ITSN1: variants seen among roughly 807,000 people sequenced by gnomAD.
The protein encoded by ITSN1 is intersectin-1.
Under a neutral mutation model 239.8 loss-of-function variants are expected in ITSN1, and 58 were observed. The observed-to-expected ratio is 0.24, with a 90% CI of 0.20 to 0.30. The LOEUF (loss-of-function observed/expected upper bound fraction) is 0.30. Ranked by LOEUF, ITSN1 falls within the 10% of genes least tolerant of loss-of-function variation. The pLI is 1.00. For missense variants in ITSN1, 1,558 were observed against 2,103.3 expected (o/e 0.74, Z 5.07); for synonymous variants, 780 against 770.8 (o/e 1.01, Z -0.20).
intron 1 of ITSN1, among the ~76,000 whole-genome samples, chr21:33,675,410 A>G (rs1568909071): frequency 6.6e-6 from 1 of 152,006 alleles, no homozygotes; most frequent in Non-Finnish European, 1.5e-5. Context: ...AAAAAAAAAT[A>G]CAAAAAATTA....
intron 4 of ITSN1, among the ~76,000 whole-genome samples, chr21:33,726,092 C>A (rs1349218919): frequency 6.6e-6 from 1 of 152,194 alleles, no homozygotes; most frequent in Non-Finnish European, 1.5e-5. Flanking sequence ...CTCCCAGGTT[C>A]AAGTGATTCT....
chr21:33,670,443 C>G (rs931242216), intron 1 of ITSN1, among the ~76,000 whole-genome samples: 10 of 151,730 alleles, frequency 6.6e-5, no homozygotes, highest in Non-Finnish European at 2.9e-5. Context: ...AAAATAAACC[C>G]ATGTAAAGTT....
intron 1 of ITSN1, among the ~76,000 whole-genome samples, chr21:33,681,854 G>A (rs1276584068): frequency 6.6e-6 from 1 of 151,626 alleles, no homozygotes; most frequent in East Asian, 2.0e-4. Context: ...TGTATTTTTA[G>A]TAGAGGGGTT....
At chr21:33,851,778 C>T (rs1245655819) in intron 29 of ITSN1, among the ~76,000 whole-genome samples, 141 of 66,006 alleles carry the variant, frequency 2.1e-3, no homozygotes, top group Admixed American at 2.6e-3. Context: ...CTTTTCTTTC[C>T]TTTTTTTTTT....
chr21:33,742,159 C>T (rs926884270), intron 5 of ITSN1, among the ~76,000 whole-genome samples: 19 of 150,956 alleles, frequency 1.3e-4, no homozygotes, highest in Non-Finnish European at 1.6e-4. Context: ...TGGGTTCAAG[C>T]GATTGTCCTG....
chr21:33,713,302 C>T (rs968733559), intron 1 of ITSN1, among the ~76,000 whole-genome samples: 2 of 151,718 alleles, frequency 1.3e-5, no homozygotes, highest in Non-Finnish European at 1.5e-5. Flanking sequence ...TGCGGTGGCA[C>T]GATCTAGGCT....
At chr21:33,756,279 C>A (rs1193193938) in intron 8 of ITSN1, among the ~76,000 whole-genome samples, 1 of 134,428 alleles carries the variant, frequency 7.4e-6, no homozygotes, top group Non-Finnish European at 1.5e-5. Context: ...CAGAGTGAGA[C>A]TCCGTCTCAA....
intron 20 of ITSN1, among the ~76,000 whole-genome samples, chr21:33,807,397 G>A (rs1489549332): frequency 4.6e-5 from 7 of 152,224 alleles, no homozygotes; most frequent in Non-Finnish European, 1.0e-4. Context: ...GAGTGCAGTG[G>A]TGTGATTTTG....
chr21:33,805,553 G>C (rs552148547), intron 20 of ITSN1, among the ~76,000 whole-genome samples: 56 of 152,298 alleles, frequency 3.7e-4, no homozygotes, highest in Non-Finnish European at 6.5e-4. Context: ...AGTTTTATTG[G>C]AACACAGCCA....
chr21:33,761,081 T>C (rs779163451), intron 8 of ITSN1, among the ~76,000 whole-genome samples: 1 of 152,056 alleles, frequency 6.6e-6, no homozygotes, highest in Non-Finnish European at 1.5e-5. Flanking sequence ...TGTTTTGTTT[T>C]GTTTTTTTAA....
chr21:33,834,238 G>T (rs902654021), intron 27 of ITSN1, 69 bp from the exon 28 acceptor site: 1 of 1,121,252 alleles, frequency 8.9e-7, no homozygotes, highest in South Asian at 1.3e-5. Context: ...TAAGTGCTCT[G>T]TTATAAAGTG....
rs2146173562 is a variant in ITSN1, at chr21:33,654,300, C to G, written c.-33+11587C>G. Among the ~76,000 whole-genome samples, 3 of 151,304 alleles carry G rather than the reference C, an allele frequency of 2.0e-5. 1 individual carries two copies. On this transcript the variant is annotated intron_variant, in intron 1 of 39. Coordinates refer to ENST00000381318, the MANE Select transcript of ITSN1 (RefSeq NM_003024.3). Reference sequence around the variant, plus strand: ...TGAACTTCTGGACTCAAGTGGACCTCTCGCCTCAGCCTCCCCAAGTGCTGG... The same window carrying G: ...TGAACTTCTGGACTCAAGTGGACCTGTCGCCTCAGCCTCCCCAAGTGCTGG...
At chr21:33,691,892 C>A (rs1238455049) in intron 1 of ITSN1, among the ~76,000 whole-genome samples, 1 of 152,224 alleles carries the variant, frequency 6.6e-6, no homozygotes, top group African/African-American at 2.4e-5. Flanking sequence ...ATACCATGAC[C>A]TTGGGGATAA....
intron 35 of ITSN1, 81 bp from the exon 36 acceptor site, chr21:33,883,469 A>G (rs955334968): frequency 3.9e-6 from 6 of 1,553,758 alleles, no homozygotes; most frequent in Non-Finnish European, 5.3e-6. Context: ...ACATTGGCAT[A>G]AGTGTGCTCA....
At chr21:33,800,874 G>T (rs1308499940) in intron 19 of ITSN1, among the ~76,000 whole-genome samples, 3 of 144,694 alleles carry the variant, frequency 2.1e-5, no homozygotes, top group Non-Finnish European at 4.7e-5. Flanking sequence ...GAGTGCAGTG[G>T]TGTGATATTG....
At chr21:33,645,257 TC>T (rs1174375339) in intron 1 of ITSN1, among the ~76,000 whole-genome samples, 10 of 152,230 alleles carry the variant, frequency 6.6e-5, no homozygotes, top group Admixed American at 4.6e-4. Flanking sequence ...TTCTGAATGA[TC>T]ACTTCCTCCT....
At chr21:33,818,914 T>C (rs2073465647) in intron 23 of ITSN1, among the ~76,000 whole-genome samples, 1 of 152,224 alleles carries the variant, frequency 6.6e-6, no homozygotes, top group African/African-American at 2.4e-5. Flanking sequence ...CCAACCATAT[T>C]GATGTTCAAA....
intron 8 of ITSN1, chr21:33,756,714 T>C (rs2067944451): frequency 6.6e-6 from 1 of 152,170 alleles, no homozygotes; most frequent in South Asian, 2.1e-4. Context: ...ATTCTCGATG[T>C]GTCATACTGC....
chr21:33,834,359 T>G lies in ITSN1; in HGVS notation c.3404T>G (p.Leu1135Arg), dbSNP rs769489097. 5 of 1,614,078 alleles carry G rather than the reference T, an allele frequency of 3.1e-6. No individual in the cohort carries two copies. In the South Asian group the frequency reaches 4.4e-5, roughly 14 times the overall value. The stretch of plus-strand genomic sequence containing the variant: ...TGGTTCCCAGCTAATTATGTAAAGC[T>G]TCTAAGCCCTGGGACGAGCAAAATC... ...IGWFPANYVK[L>R]LSPGTSKITP... Residue 1135 changes from leucine to arginine, a missense_variant, in exon 28 of 40, where the codon CTT becomes CGT. Physicochemically the swap from Leu to Arg is moderately radical, Grantham distance 102. Coordinates refer to ENST00000381318, the MANE Select transcript of ITSN1 (RefSeq NM_003024.3).
Sources: gnomAD v4.1 joint callset for allele counts (sites outside exome capture counted in the v4.1 genomes callset) on GRCh38, gnomAD v4.1.1 for gene constraint, MANE v1.5 for transcripts, NCBI Gene and HGNC (gene_info 2026-07-23, HGNC 2026-07-21) for gene names.